PDE4D: variants seen among roughly 807,000 people sequenced by gnomAD.
PDE4D encodes phosphodiesterase 4D, also known as 3',5'-cyclic-AMP phosphodiesterase 4D.
PDE4D carries 24 observed loss-of-function variants against 87.4 expected under a neutral mutation model. The ratio of observed to expected loss-of-function variants is 0.27; its 90% CI spans 0.20 to 0.39. PDE4D has a LOEUF of 0.39. Ranked by LOEUF, PDE4D falls within the 10% of genes least tolerant of loss-of-function variation. The pLI is 1.00. For missense variants in PDE4D, 714 were observed against 1,041.0 expected, an observed-to-expected ratio of 0.69 and a Z score of 4.32; for synonymous variants, 384 against 383.2, an observed-to-expected ratio of 1.00 and a Z score of -0.02.
At chr5:60,185,789 G>A (rs540023693) in intron 1 of PDE4D, 15 of 467,582 alleles carry the variant, frequency 3.2e-5, no homozygotes, top group South Asian at 2.0e-4. Context: ...ATAATTCATC[G>A]GAACAGGCTA....
intron 3 of PDE4D, among the ~76,000 whole-genome samples, chr5:59,941,157 C>T (rs771735367): frequency 1.8e-4 from 28 of 152,090 alleles, no homozygotes; most frequent in Non-Finnish European, 3.7e-4. Context: ...GTTAATTTCC[C>T]TCAGTTAAGT....
chr5:59,923,071 G>T (rs1754846117), intron 3 of PDE4D, among the ~76,000 whole-genome samples: 1 of 152,110 alleles, frequency 6.6e-6, no homozygotes, highest in South Asian at 2.1e-4. Flanking sequence ...TAGCCAGGCA[G>T]CACTTGCCAT....
At chr5:59,611,766 A>G (rs12520633) in intron 1 of PDE4D, among the ~76,000 whole-genome samples, 11,199 of 152,226 alleles carry the variant, frequency 0.074, 586 homozygotes, top group Admixed American at 0.13. Context: ...ATGAAGTCCT[A>G]GAATGAACTG....
chr5:59,426,229 CT>C (rs1044627478), intron 1 of PDE4D, among the ~76,000 whole-genome samples: 3 of 152,170 alleles, frequency 2.0e-5, no homozygotes, highest in African/African-American at 7.2e-5. Context: ...CAAATTTCTG[CT>C]GTTTAAGCCA....
At chr5:59,383,194 T>C (rs244593) in intron 1 of PDE4D, among the ~76,000 whole-genome samples, 56,303 of 151,990 alleles carry the variant, frequency 0.37, 11,638 homozygotes, top group African/African-American at 0.56. Flanking sequence ...ACTGAGAGTA[T>C]GGCAGTCTTT....
At chr5:60,367,745 G>C (rs1760680200) in intron 1 of PDE4D, among the ~76,000 whole-genome samples, 1 of 152,092 alleles carries the variant, frequency 6.6e-6, no homozygotes, top group Non-Finnish European at 1.5e-5. Context: ...TGAATCTGAA[G>C]AATAAGCACT....
intron 1 of PDE4D, among the ~76,000 whole-genome samples, chr5:60,422,971 G>A (rs1426456907): frequency 2.0e-5 from 3 of 152,158 alleles, no homozygotes; most frequent in East Asian, 3.9e-4. Context: ...ATGGTAAAGA[G>A]ATAATTCAAC....
At chr5:59,150,597 A>ACTAAT (rs1779333329) in intron 5 of PDE4D, among the ~76,000 whole-genome samples, 1 of 152,192 alleles carries the variant, frequency 6.6e-6, no homozygotes, top group South Asian at 2.1e-4. Flanking sequence ...AGGGCCTGGC[A>ACTAAT]CATGGAAGAC....
intron 1 of PDE4D, among the ~76,000 whole-genome samples, chr5:59,277,209 C>G (rs998253347): frequency 2.0e-5 from 3 of 152,102 alleles, no homozygotes; most frequent in African/African-American, 7.2e-5. Flanking sequence ...TACAACAAAC[C>G]CTTCATCTGC....
At chr5:59,083,246 T>C (rs1045869602) in intron 5 of PDE4D, among the ~76,000 whole-genome samples, 2 of 152,088 alleles carry the variant, frequency 1.3e-5, no homozygotes, top group African/African-American at 4.8e-5. Context: ...AGATCCTTTT[T>C]TTTTGTTCTC....
At chr5:59,548,970 C>T (rs919158307) in intron 1 of PDE4D, among the ~76,000 whole-genome samples, 3 of 152,074 alleles carry the variant, frequency 2.0e-5, no homozygotes, top group African/African-American at 4.8e-5. Flanking sequence ...GTAGGTTCCA[C>T]GAATCATTAT....
chr5:60,059,679 A>T (rs373707302), intron 2 of PDE4D, among the ~76,000 whole-genome samples: 10 of 152,146 alleles, frequency 6.6e-5, no homozygotes, highest in African/African-American at 2.4e-4. Flanking sequence ...GAAAGGGTAC[A>T]GGAGTGACAT....
At chr5:60,286,561 G>T (rs983856727) in intron 1 of PDE4D, among the ~76,000 whole-genome samples, 4 of 149,298 alleles carry the variant, frequency 2.7e-5, no homozygotes, top group African/African-American at 7.3e-5. Context: ...TTCATCACTG[G>T]TTATTTTTGA....
intron 1 of PDE4D, among the ~76,000 whole-genome samples, chr5:59,493,435 G>C (rs1446072027): frequency 1.3e-5 from 2 of 152,092 alleles, no homozygotes; most frequent in Admixed American, 6.5e-5. Context: ...TTTACTATTT[G>C]GTAAACAGTT....
intron 1 of PDE4D, among the ~76,000 whole-genome samples, chr5:59,721,947 A>T (rs993056797): frequency 1.3e-5 from 2 of 152,086 alleles, no homozygotes; most frequent in Non-Finnish European, 2.9e-5. Context: ...ACAATACATC[A>T]CAGCCTCGAC....
At chr5:59,400,736 TAAAAAA>T (rs745920841) in intron 1 of PDE4D, among the ~76,000 whole-genome samples, 1 of 122,856 alleles carries the variant, frequency 8.1e-6, no homozygotes, top group African/African-American at 3.2e-5. Flanking sequence ...AGTATAATAA[TAAAAAA>T]AATAAAAAAA....
At chr5:59,173,453 T>C (rs951616086) in intron 5 of PDE4D, among the ~76,000 whole-genome samples, 7 of 152,250 alleles carry the variant, frequency 4.6e-5, no homozygotes, top group African/African-American at 1.7e-4. Flanking sequence ...CATGCATTTA[T>C]GCAAATCTTT....
upstream of PDE4D, among the ~76,000 whole-genome samples, chr5:59,895,176 C>A (rs1159559446): frequency 1.3e-5 from 2 of 152,160 alleles, no homozygotes; most frequent in Non-Finnish European, 2.9e-5. Context: ...CTCTAGACTG[C>A]TGAAAATTCA....
chr5:59,564,442 G>A (rs1820559873), intron 1 of PDE4D, among the ~76,000 whole-genome samples: 1 of 152,198 alleles, frequency 6.6e-6, no homozygotes, highest in Non-Finnish European at 1.5e-5. Context: ...GCCATGAAGA[G>A]TTGCCATGTG....
Sources: gnomAD v4.1 joint callset for allele counts (sites outside exome capture counted in the v4.1 genomes callset) on GRCh38, gnomAD v4.1.1 for gene constraint, MANE v1.5 for transcripts, NCBI Gene and HGNC (gene_info 2026-07-23, HGNC 2026-07-21) for gene names.